The following ALK variants were observed in gnomAD, a reference collection of about 807,000 sequenced individuals.
ALK encodes ALK receptor tyrosine kinase, also known as ALK tyrosine kinase receptor.
A neutral mutation model predicts 163.1 loss-of-function variants in ALK; 74 were observed. The ratio of observed to expected loss-of-function variants is 0.45; its 90% CI spans 0.38 to 0.55. The LOEUF is 0.55. ALK is among the 20% of genes least tolerant of loss of function. The pLI is 0.00. For missense variants in ALK, 2,063 were observed against 2,105.3 expected (o/e 0.98, Z 0.39); for synonymous variants, 960 against 843.2 (o/e 1.14, Z -2.40).
At chr2:29,699,030 G>C (rs902725887) in intron 2 of ALK, among the ~76,000 whole-genome samples, 51 of 152,230 alleles carry the variant, frequency 3.4e-4, no homozygotes, top group Admixed American at 7.2e-4. Flanking sequence ...TATTTTCCTT[G>C]GGCCTCTTCC....
chr2:29,644,568 T>G (rs991500881), intron 3 of ALK, among the ~76,000 whole-genome samples: 5 of 66,260 alleles, frequency 7.5e-5, no homozygotes, highest in East Asian at 9.1e-4. Flanking sequence ...CAAATTAAGG[T>G]TTTTTTTTCC....
At chr2:29,262,910 G>C (rs963113650) in intron 11 of ALK, among the ~76,000 whole-genome samples, 1 of 152,232 alleles carries the variant, frequency 6.6e-6, no homozygotes, top group African/African-American at 2.4e-5. Flanking sequence ...AGGAACACAA[G>C]GGAGAAGAGA....
At chr2:29,850,397 G>GA (rs896178005) in intron 1 of ALK, among the ~76,000 whole-genome samples, 1 of 152,078 alleles carries the variant, frequency 6.6e-6, no homozygotes, top group Non-Finnish European at 1.5e-5. Flanking sequence ...GTGTTCATTT[G>GA]AAAAAAATTC....
intron 4 of ALK, among the ~76,000 whole-genome samples, chr2:29,474,120 C>T (rs1671443177): frequency 6.6e-6 from 1 of 152,134 alleles, no homozygotes; most frequent in African/African-American, 2.4e-5. Flanking sequence ...TAAGGATAAC[C>T]TAATTCACTG....
At chr2:29,527,805 G>T (rs1378452428) in intron 4 of ALK, among the ~76,000 whole-genome samples, 2 of 152,122 alleles carry the variant, frequency 1.3e-5, no homozygotes, top group African/African-American at 4.8e-5. Context: ...GTGAGCCATT[G>T]TGCCGGGTCT....
At chr2:29,512,288 G>C (rs928845021) in intron 4 of ALK, among the ~76,000 whole-genome samples, 3 of 151,060 alleles carry the variant, frequency 2.0e-5, no homozygotes, top group Admixed American at 6.6e-5. Flanking sequence ...ACATCAAAAA[G>C]CTTATCCACC....
chr2:29,418,874 C>G (rs1051594523), intron 4 of ALK, among the ~76,000 whole-genome samples: 2 of 147,112 alleles, frequency 1.4e-5, no homozygotes, highest in Non-Finnish European at 2.9e-5. Flanking sequence ...ATTTGTTGAT[C>G]ACTCATTCAC....
intron 4 of ALK, among the ~76,000 whole-genome samples, chr2:29,454,945 C>T (rs996384624): frequency 6.6e-6 from 1 of 152,136 alleles, no homozygotes; most frequent in African/African-American, 2.4e-5. Flanking sequence ...ACCTGCTTCA[C>T]AGATGAGGAA....
At chr2:29,671,365 T>C (rs1005288796) in intron 3 of ALK, among the ~76,000 whole-genome samples, 8 of 152,108 alleles carry the variant, frequency 5.3e-5, no homozygotes, top group Non-Finnish European at 8.8e-5. Flanking sequence ...ATGATGCTGC[T>C]GAACAGCCAC....
chr2:29,457,677 C>T (rs11685167), intron 4 of ALK, among the ~76,000 whole-genome samples: 1 of 152,216 alleles, frequency 6.6e-6, no homozygotes, highest in African/African-American at 2.4e-5. Context: ...AAACCTGTCA[C>T]ATCTACATAT....
chr2:29,666,251 C>T (rs1034738373), intron 3 of ALK, among the ~76,000 whole-genome samples: 1 of 152,028 alleles, frequency 6.6e-6, no homozygotes, highest in Non-Finnish European at 1.5e-5. Context: ...GTATTTTATT[C>T]CTCTTAATAT....
At chr2:29,370,084 C>G (rs566140529) in intron 5 of ALK, among the ~76,000 whole-genome samples, 2 of 152,172 alleles carry the variant, frequency 1.3e-5, no homozygotes, top group Non-Finnish European at 2.9e-5. Context: ...GACATCGATC[C>G]TGTGATGGTA....
intron 4 of ALK, among the ~76,000 whole-genome samples, chr2:29,481,498 G>C (rs1201603038): frequency 6.6e-6 from 1 of 152,160 alleles, no homozygotes; most frequent in Admixed American, 6.5e-5. Context: ...ACATTGCATA[G>C]ATAAGGCCTA....
intron 3 of ALK, among the ~76,000 whole-genome samples, chr2:29,540,533 C>T (rs1673384668): frequency 6.6e-6 from 1 of 150,594 alleles, no homozygotes; most frequent in African/African-American, 2.4e-5. Flanking sequence ...GTTTGTCATA[C>T]CATTATTTGT....
At chr2:29,601,546 C>T (rs148784678) in intron 3 of ALK, among the ~76,000 whole-genome samples, 1 of 152,182 alleles carries the variant, frequency 6.6e-6, no homozygotes, top group African/African-American at 2.4e-5. Context: ...TTGGTGGAAG[C>T]ATCAAGAGTA....
At chr2:29,586,097 T>C (rs577190293) in intron 3 of ALK, among the ~76,000 whole-genome samples, 192 of 152,290 alleles carry the variant, frequency 1.3e-3, no homozygotes, top group Middle Eastern at 3.4e-3. Context: ...CATTTTGTAG[T>C]AGAGAATGGT....
chr2:29,206,270 C>A lies in ALK; in HGVS notation c.3938+901G>T, dbSNP rs140085361. On this transcript the variant is annotated intron_variant, in intron 26 of 28. Transcript: ENST00000389048. ...CTCCCCTCCCTTTCTTTCTTTCTCT[C>A]TCTCGTTCCCTCCCTCCCTCTCTCT... 3.1e-3 allele frequency among the ~76,000 whole-genome samples: 466 copies of A among 149,770 alleles called. 2 individuals carry two copies. Among genetic ancestry groups the A allele is most frequent in the South Asian group, 0.02 (90 of 4,552 alleles).
At position 29,223,566 on chromosome 2, in the gene ALK, C is replaced by A. The variant is rs762153959; in HGVS notation, c.3173-38G>T. The A allele has an allele frequency of 4.4e-6, 7 of 1,605,848 alleles. No individual in the cohort carries two copies. The African/African-American group carries it at 9.4e-5, about 21-fold the overall frequency. On this transcript the variant is annotated intron_variant, in intron 19 of 28. Coordinates refer to ENST00000389048, the MANE Select transcript of ALK (RefSeq NM_004304.5). ...GGTCAGCTGCAACATGGCCTGGCAG[C>A]CTGGCCCTTGAAGCACTACACAGGC...
At chr2:29,320,446 A>G (rs1034877677) in intron 7 of ALK, among the ~76,000 whole-genome samples, 2 of 152,212 alleles carry the variant, frequency 1.3e-5, no homozygotes, top group African/African-American at 2.4e-5. Context: ...TGCCTGACAC[A>G]TAGGACGCCC....
Sources: gnomAD v4.1 joint callset for allele counts (sites outside exome capture counted in the v4.1 genomes callset) on GRCh38, gnomAD v4.1.1 for gene constraint, MANE v1.5 for transcripts, NCBI Gene and HGNC (gene_info 2026-07-23, HGNC 2026-07-21) for gene names.